The following EML1 variants were observed in gnomAD, a reference collection of about 807,000 sequenced individuals.
EML1 encodes the protein echinoderm microtubule-associated protein-like 1.
Under a neutral mutation model 110.4 loss-of-function variants are expected in EML1, and 27 were observed. The ratio of observed to expected loss-of-function variants is 0.24; its 90% CI spans 0.18 to 0.34. The LOEUF (loss-of-function observed/expected upper bound fraction) is 0.34. EML1 is among the 10% of genes least tolerant of loss of function. The pLI is 1.00. For missense variants in EML1, 741 were observed against 1,030.9 expected (o/e 0.72, Z 3.85); for synonymous variants, 344 against 385.8 (o/e 0.89, Z 1.27).
intron 1 of EML1, among the ~76,000 whole-genome samples, chr14:99,833,337 C>A (rs2058490898): frequency 6.6e-6 from 1 of 152,132 alleles, no homozygotes; most frequent in South Asian, 2.1e-4. Context: ...CGGTCTGTTT[C>A]TTAACTCTCT....
chr14:99,940,887 GTA>G lies in EML1; in HGVS notation c.*779_*780del, dbSNP rs2060577674. The G allele has an allele frequency of 6.6e-6, 1 of 152,134 alleles. No individual in the cohort carries two copies. The highest frequency in any genetic ancestry group is 2.1e-4 in the South Asian group (1 of 4,828). The allele number at this position is 152,134 out of a possible 1,614,324, so 9.4% of individuals were successfully genotyped here. Reference sequence around the variant, plus strand: ...GTGAGACATTTTGCCACCTTCTTGTGTATATTACTTGGCATGAGATGATATTG... The same window carrying G: ...GTGAGACATTTTGCCACCTTCTTGTGTATTACTTGGCATGAGATGATATTG... On this transcript the variant is annotated 3_prime_UTR_variant, in exon 22 of 22. Transcript: ENST00000262233.
chr14:99,749,264 T>A (rs1317060625), intron 1 of EML1, among the ~76,000 whole-genome samples: 2 of 152,198 alleles, frequency 1.3e-5, no homozygotes, highest in East Asian at 3.9e-4. Flanking sequence ...CTGCGCCATT[T>A]TCCCTTCCCA....
rs371076149 is a variant in EML1 at position 99,851,007 on chromosome 14, C to T, written c.222C>T (p.Ala74=). The T allele has an allele frequency of 2.4e-5, 39 of 1,613,868 alleles. No homozygotes were observed. The African/African-American group carries it at 3.3e-4, about 14-fold the overall frequency. Residue 74 remains alanine, a synonymous_variant, in exon 2 of 22, where the codon GCC becomes GCT. Coordinates refer to ENST00000262233, the MANE Select transcript of EML1 (RefSeq NM_004434.3). ...RRLNITEEQQ[A]VLNRKGPTKA... The stretch of plus-strand genomic sequence containing the variant: ...TGAACATTACTGAGGAACAGCAGGC[C>T]GTGCTTAACAGGAAAGGACCTACCA...
intron 8 of EML1, 81 bp downstream of exon 8, chr14:99,898,383 A>G: frequency 7.5e-7 from 1 of 1,336,470 alleles, no homozygotes; most frequent in African/African-American, 1.5e-5. Context: ...GCTGCTGAGT[A>G]AGGCTGCTTA....
chr14:99,878,707 T>G (rs1374049136), intron 4 of EML1, 88 bp downstream of exon 4: 2 of 1,503,952 alleles, frequency 1.3e-6, no homozygotes, highest in East Asian at 4.6e-5. Flanking sequence ...CCCCTCATAT[T>G]CCAACAAGCT....
intron 3 of EML1, among the ~76,000 whole-genome samples, chr14:99,878,011 A>G (rs1398686940): frequency 2.6e-5 from 4 of 152,130 alleles, no homozygotes; most frequent in Non-Finnish European, 4.4e-5. Flanking sequence ...ATGTGGCCCA[A>G]CACAGATTTG....
chr14:99,915,798 G>T (rs2060024852), intron 15 of EML1, among the ~76,000 whole-genome samples: 1 of 152,170 alleles, frequency 6.6e-6, no homozygotes, highest in South Asian at 2.1e-4. Flanking sequence ...CTAATGATCT[G>T]TGCAATCCCA....
chr14:99,807,780 T>A (rs147293491), intron 1 of EML1, among the ~76,000 whole-genome samples: 1 of 152,310 alleles, frequency 6.6e-6, no homozygotes, highest in East Asian at 1.9e-4. Flanking sequence ...CAGCACAGCG[T>A]TGTCTAGAAT....
chr14:99,749,941 G>T (rs557349203), intron 1 of EML1, among the ~76,000 whole-genome samples: 1 of 152,336 alleles, frequency 6.6e-6, no homozygotes, highest in South Asian at 2.1e-4. Flanking sequence ...CGTGCTCCTT[G>T]GACTTGCTGT....
At chr14:99,894,584 G>A (rs143655192) in intron 5 of EML1, 45 bp from the exon 6 acceptor site, 8 of 1,581,110 alleles carry the variant, frequency 5.1e-6, no homozygotes, top group African/African-American at 4.1e-5. Flanking sequence ...TTTCAGGTAC[G>A]CTGGGCACTG....
At chr14:99,908,302 A>G (rs2059890352) in intron 10 of EML1, among the ~76,000 whole-genome samples, 1 of 152,254 alleles carries the variant, frequency 6.6e-6, no homozygotes, top group Non-Finnish European at 1.5e-5. Flanking sequence ...CGTTTTGCAC[A>G]ATATGTCAAA....
intron 17 of EML1, among the ~76,000 whole-genome samples, chr14:99,932,945 C>T (rs985915939): frequency 4.6e-5 from 7 of 151,958 alleles, no homozygotes; most frequent in African/African-American, 1.2e-4. Context: ...GTGAGACCCC[C>T]GTCTCAACAA....
Position 99,850,975 on chromosome 14 carries a change from C to A in EML1, c.190C>A (p.Arg64=). 1 of 1,614,116 alleles carries A rather than the reference C, an allele frequency of 6.2e-7. No homozygotes were observed. The highest frequency in any genetic ancestry group is 8.5e-7 in the Non-Finnish European group (1 of 1,180,026). The stretch of plus-strand genomic sequence containing the variant: ...CAAATCAGCTCTAGCTGATGTGGTT[C>A]GGCGGCTGAACATTACTGAGGAACA... ...LLKSALADVV[R]RLNITEEQQA... Residue 64 remains arginine, a synonymous_variant, in exon 2 of 22, where the codon CGG becomes AGG. Transcript: ENST00000262233.
At chr14:99,746,285 T>C (rs1951578) in intron 1 of EML1, among the ~76,000 whole-genome samples, 134,580 of 152,128 alleles carry the variant, frequency 0.88, 61,543 homozygotes, top group Non-Finnish European at 1. Context: ...GGCACTCTTT[T>C]CCAAAGAAGG....
At chr14:99,815,548 AT>A (rs1336178550) in intron 1 of EML1, among the ~76,000 whole-genome samples, 1 of 152,116 alleles carries the variant, frequency 6.6e-6, no homozygotes, top group Non-Finnish European at 1.5e-5. Flanking sequence ...TAATTGATCT[AT>A]TTTTCTTCTG....
intron 2 of EML1, among the ~76,000 whole-genome samples, chr14:99,851,371 G>A (rs1396290438): frequency 1.3e-5 from 2 of 151,854 alleles, no homozygotes; most frequent in Admixed American, 6.6e-5. Context: ...GCAGTGGCGC[G>A]ATCTGGGCTC....
In EML1 at chr14:99,920,768, T is replaced by C. The variant is rs10131681; in HGVS notation, c.1821-21T>C. 4.1e-3 allele frequency: 6,469 copies of C among 1,597,264 alleles called. 165 individuals carry two copies. In the African/African-American group the frequency reaches 0.066, roughly 16 times the overall value. ...TTTCTTATTAAACAACTTACTGTGC[T>C]TTTTCTCATGTTGATAACAGGTGGT... is the stretch of plus-strand genomic sequence containing the variant. On this transcript the variant is annotated intron_variant, in intron 16 of 21. Transcript: ENST00000262233.
At chr14:99,759,130 A>G (rs2057287860) in intron 1 of EML1, among the ~76,000 whole-genome samples, 1 of 152,214 alleles carries the variant, frequency 6.6e-6, no homozygotes, top group Non-Finnish European at 1.5e-5. Flanking sequence ...GTCATGGAGC[A>G]AACACTGGGC....
intron 1 of EML1, among the ~76,000 whole-genome samples, chr14:99,809,216 C>T (rs781260961): frequency 1.3e-5 from 2 of 152,128 alleles, no homozygotes; most frequent in Admixed American, 6.5e-5. Context: ...TAAGAAACCC[C>T]GACATTCTGT....
Sources: gnomAD v4.1 joint callset for allele counts (sites outside exome capture counted in the v4.1 genomes callset) on GRCh38, gnomAD v4.1.1 for gene constraint, MANE v1.5 for transcripts, NCBI Gene and HGNC (gene_info 2026-07-23, HGNC 2026-07-21) for gene names.